TMC1: variants seen among roughly 807,000 people sequenced by gnomAD.
TMC1 encodes transmembrane channel-like protein 1.
In TMC1, 84 loss-of-function variants were observed where a neutral mutation model predicts 105.8. That is an observed-to-expected ratio of 0.79 (90% CI 0.67 to 0.95). The LOEUF is 0.95. Ranked by LOEUF, TMC1 falls within the 40% of genes least tolerant of loss-of-function variation. The probability of loss-of-function intolerance (pLI) is 0.00; values close to 1 mark genes in which losing one functional copy is unlikely to be tolerated. For synonymous variants in TMC1, 315 were observed against 311.5 expected (o/e 1.01, Z -0.12); for missense variants, 817 against 914.1 (o/e 0.89, Z 1.37).
chr9:72,560,087 ATATCACCCC>A (rs1824019050), intron 1 of TMC1, among the ~76,000 whole-genome samples: 2 of 152,218 alleles, frequency 1.3e-5, no homozygotes, highest in Admixed American at 6.5e-5. Flanking sequence ...TAACCATGAC[ATATCACCCC>A]TATGTTTGCT....
rs1828207791 is a variant in TMC1 at position 72,788,481 on chromosome 9, A to G, written c.1027A>G (p.Lys343Glu). 6.2e-7 allele frequency: 1 copy of G among 1,613,994 alleles called. No individual in the cohort carries two copies. The highest frequency in any genetic ancestry group is 8.5e-7 in the Non-Finnish European group (1 of 1,179,858). Residue 343 changes from lysine to glutamate, a missense_variant and splice_region_variant, in exon 14 of 24, where the codon AAG becomes GAG. Physicochemically the swap from Lys to Glu is moderately conservative, Grantham distance 56. Coordinates refer to ENST00000297784, the MANE Select transcript of TMC1 (RefSeq NM_138691.3). Reference sequence around the variant, plus strand: ...ATTTAATTCTATCACAATGAACTTTAAGGTAGAGGCACCAACTTCAAAAAC... The same window carrying G: ...ATTTAATTCTATCACAATGAACTTTGAGGTAGAGGCACCAACTTCAAAAAC... ...NKFNSITMNF[K>E]EAITEEKAAQ...
intron 1 of TMC1, among the ~76,000 whole-genome samples, chr9:72,543,497 T>C (rs997522609): frequency 9.2e-5 from 14 of 152,130 alleles, no homozygotes; most frequent in African/African-American, 3.4e-4. Context: ...AAAATGTAAG[T>C]TTGAGCCAGG....
chr9:72,789,314 T>C lies in TMC1; in HGVS notation c.1221T>C (p.Asn407=). The C allele has an allele frequency of 6.2e-7, 1 of 1,613,848 alleles. No homozygotes were observed. Among genetic ancestry groups the C allele is most frequent in the East Asian group, 2.2e-5 (1 of 44,878 alleles). Residue 407 remains asparagine, a synonymous_variant, in exon 15 of 24, where the codon AAT becomes AAC. Transcript: ENST00000297784. ...ACACCCTTGGGTGGTGGGAAAAAAATGAAGTTCGTCTCTGCATGCTTTTTA... is the reference window on the plus strand; with the variant it reads ...ACACCCTTGGGTGGTGGGAAAAAAACGAAGTTCGTCTCTGCATGCTTTTTA... ...DPDTLGWWEK[N]EMNMVMSLLG...
chr9:72,574,866 A>G (rs1273633839), intron 1 of TMC1, among the ~76,000 whole-genome samples: 1 of 152,070 alleles, frequency 6.6e-6, no homozygotes, highest in Non-Finnish European at 1.5e-5. Flanking sequence ...TTGCTCCCTC[A>G]TTGTAACTGT....
intron 20 of TMC1, among the ~76,000 whole-genome samples, chr9:72,821,343 G>GA (rs367593296): frequency 2.0e-5 from 3 of 150,722 alleles, no homozygotes; most frequent in African/African-American, 4.9e-5. Flanking sequence ...AAAATACAAA[G>GA]AAAAAAAAAT....
At chr9:72,831,551 T>C (rs912091062) in intron 23 of TMC1, among the ~76,000 whole-genome samples, 1 of 152,144 alleles carries the variant, frequency 6.6e-6, no homozygotes, top group Non-Finnish European at 1.5e-5. Flanking sequence ...ACTCATCATT[T>C]ACATTAGGTA....
At chr9:72,691,486 G>C (rs1826466107) in intron 6 of TMC1, among the ~76,000 whole-genome samples, 1 of 152,192 alleles carries the variant, frequency 6.6e-6, no homozygotes, top group Non-Finnish European at 1.5e-5. Context: ...TCACCAATGA[G>C]GCAGGCCAGA....
chr9:72,785,577 T>G (rs942849781), intron 13 of TMC1, among the ~76,000 whole-genome samples: 1 of 152,184 alleles, frequency 6.6e-6, no homozygotes, highest in Non-Finnish European at 1.5e-5. Context: ...TTACATGAAA[T>G]AAGGGTTACT....
intron 8 of TMC1, among the ~76,000 whole-genome samples, chr9:72,734,888 T>C (rs1409647901): frequency 6.6e-6 from 1 of 152,222 alleles, no homozygotes; most frequent in Non-Finnish European, 1.5e-5. Flanking sequence ...ACATGTTTCC[T>C]GGGATGAGAA....
At chr9:72,775,983 T>TC (rs1827999645) in intron 13 of TMC1, among the ~76,000 whole-genome samples, 1 of 152,276 alleles carries the variant, frequency 6.6e-6, no homozygotes, top group African/African-American at 2.4e-5. Context: ...TAAAGAATCT[T>TC]CCCCTATGAC....
At position 72,586,689 on chromosome 9, in the gene TMC1, C is replaced by T. The variant is rs760875231; in HGVS notation, c.-306+8666C>T. Among the ~76,000 whole-genome samples, 79 of 152,060 alleles carry T rather than the reference C, an allele frequency of 5.2e-4. 1 individual carries two copies. Among genetic ancestry groups the T allele is most frequent in the Non-Finnish European group, 8.2e-4 (56 of 68,010 alleles). On this transcript the variant is annotated intron_variant, in intron 2 of 23. Coordinates refer to ENST00000297784, the MANE Select transcript of TMC1 (RefSeq NM_138691.3). ...CAAAGAGGATCATCTGGTCATCTTGCGGGGAGAGACTGTGAGTTCCTGCCA... is the reference window on the plus strand; with the variant it reads ...CAAAGAGGATCATCTGGTCATCTTGTGGGGAGAGACTGTGAGTTCCTGCCA...
intron 13 of TMC1, among the ~76,000 whole-genome samples, chr9:72,783,503 T>C (rs1828124707): frequency 6.6e-6 from 1 of 152,140 alleles, no homozygotes; most frequent in Non-Finnish European, 1.5e-5. Context: ...ACCTCCTTTG[T>C]TTTAGCCACT....
chr9:72,572,492 T>A (rs1824306142), intron 1 of TMC1, among the ~76,000 whole-genome samples: 2 of 152,184 alleles, frequency 1.3e-5, no homozygotes, highest in African/African-American at 4.8e-5. Flanking sequence ...AACGGTACTA[T>A]GGGCAGTATC....
chr9:72,813,479 T>A (rs1260820978), intron 18 of TMC1, among the ~76,000 whole-genome samples: 1 of 152,172 alleles, frequency 6.6e-6, no homozygotes, highest in East Asian at 1.9e-4. Context: ...CAATAACGTA[T>A]TTTTAGACTA....
chr9:72,814,992 C>T (rs1195328911), intron 18 of TMC1, among the ~76,000 whole-genome samples: 1 of 145,894 alleles, frequency 6.9e-6, no homozygotes, highest in Non-Finnish European at 1.5e-5. Context: ...TGAAGCACAC[C>T]TGGAGATAAT....
At chr9:72,822,426 A>G (rs538234053) in intron 20 of TMC1, among the ~76,000 whole-genome samples, 17 of 152,302 alleles carry the variant, frequency 1.1e-4, no homozygotes, top group Non-Finnish European at 2.4e-4. Flanking sequence ...GCTGGAAAAC[A>G]AGAAAATGTT....
intron 18 of TMC1, among the ~76,000 whole-genome samples, chr9:72,813,439 A>G (rs908591441): frequency 6.6e-6 from 1 of 152,144 alleles, no homozygotes; most frequent in African/African-American, 2.4e-5. Flanking sequence ...CAGAGAAGCA[A>G]TTCTTTCATA....
chr9:72,618,425 T>C (rs370288864), intron 3 of TMC1, among the ~76,000 whole-genome samples: 1 of 152,126 alleles, frequency 6.6e-6, no homozygotes. Flanking sequence ...AAAAAGGAAG[T>C]CAAAAGAAAC....
chr9:72,685,362 ATTTT>A (rs35423971), intron 5 of TMC1, among the ~76,000 whole-genome samples: 114 of 125,594 alleles, frequency 9.1e-4, no homozygotes, highest in Middle Eastern at 5.0e-3. Context: ...CGCCTTGGCC[ATTTT>A]TTTTTTTTTT....
Sources: allele counts gnomAD v4.1 joint callset (sites outside exome capture counted in the v4.1 genomes callset), GRCh38; gene constraint gnomAD v4.1.1; transcripts MANE v1.5; gene names NCBI Gene and HGNC (gene_info 2026-07-23, HGNC 2026-07-21).